The following PCDH9 variants were observed in gnomAD, a reference collection of about 807,000 sequenced individuals.
The protein encoded by PCDH9 is protocadherin 9.
PCDH9 carries 24 observed loss-of-function variants against 70.6 expected under a neutral mutation model. The ratio of observed to expected loss-of-function variants is 0.34; its 90% CI spans 0.25 to 0.48. The LOEUF is 0.48. Ranked by LOEUF, PCDH9 falls within the 20% of genes least tolerant of loss-of-function variation. The pLI is 0.99. For missense variants in PCDH9, 1,281 were observed against 1,503.6 expected (o/e 0.85, Z 2.45); for synonymous variants, 562 against 558.5 (o/e 1.01, Z -0.09).
chr13:66,887,077 A>ACC (rs1555281316), intron 3 of PCDH9, among the ~76,000 whole-genome samples: 300 of 124,402 alleles, frequency 2.4e-3, no homozygotes, highest in Middle Eastern at 0.012. Context: ...ACACACACAC[A>ACC]CCCTGTATTT....
chr13:66,586,104 C>A (rs1054273347), intron 4 of PCDH9, among the ~76,000 whole-genome samples: 2 of 151,990 alleles, frequency 1.3e-5, no homozygotes, highest in Admixed American at 1.3e-4. Flanking sequence ...GAGAGGATAC[C>A]CTTGTTAACT....
At chr13:67,055,796 C>A (rs539898949) in intron 2 of PCDH9, among the ~76,000 whole-genome samples, 4 of 151,934 alleles carry the variant, frequency 2.6e-5, no homozygotes, top group East Asian at 3.9e-4. Context: ...GACCTTGTAT[C>A]CAAAAAAAAC....
At chr13:67,132,695 C>A (rs547959049) in intron 2 of PCDH9, among the ~76,000 whole-genome samples, 59 of 135,496 alleles carry the variant, frequency 4.4e-4, no homozygotes, top group African/African-American at 1.5e-3. Context: ...CAGAACATAG[C>A]ATTAAAAAAA....
chr13:66,375,420 T>C (rs1296509421), intron 4 of PCDH9, among the ~76,000 whole-genome samples: 1 of 152,032 alleles, frequency 6.6e-6, no homozygotes, highest in African/African-American at 2.4e-5. Flanking sequence ...TTTTTGTTAA[T>C]GTAATAAGAA....
intron 2 of PCDH9, among the ~76,000 whole-genome samples, chr13:66,974,127 G>A (rs1253825843): frequency 6.6e-6 from 1 of 151,752 alleles, no homozygotes; most frequent in Non-Finnish European, 1.5e-5. Flanking sequence ...TCGTGATGGG[G>A]GTGAGTCTGT....
At chr13:66,891,373 A>G (rs1247167632) in intron 3 of PCDH9, among the ~76,000 whole-genome samples, 1 of 152,106 alleles carries the variant, frequency 6.6e-6, no homozygotes, top group African/African-American at 2.4e-5. Flanking sequence ...TGCTTCCTAT[A>G]TAACTAGGCG....
chr13:67,007,703 G>T (rs2084379419), intron 2 of PCDH9, among the ~76,000 whole-genome samples: 1 of 152,094 alleles, frequency 6.6e-6, no homozygotes, highest in African/African-American at 2.4e-5. Context: ...GTCCACTTTT[G>T]TTTCCGTGTT....
chr13:67,205,859 T>A (rs965496796), intron 2 of PCDH9: 2 of 152,250 alleles, frequency 1.3e-5, no homozygotes, highest in African/African-American at 4.8e-5. Flanking sequence ...TTTTACTATA[T>A]AACTGAAATG....
At chr13:66,792,319 C>A (rs1032447186) in intron 3 of PCDH9, among the ~76,000 whole-genome samples, 11 of 152,064 alleles carry the variant, frequency 7.2e-5, no homozygotes, top group Non-Finnish European at 1.2e-4. Flanking sequence ...CATATGTATA[C>A]ATTGTACTCC....
intron 4 of PCDH9, among the ~76,000 whole-genome samples, chr13:66,492,655 A>G (rs1056243560): frequency 1.3e-5 from 2 of 151,996 alleles, no homozygotes; most frequent in Non-Finnish European, 2.9e-5. Flanking sequence ...GTCATGCTAT[A>G]AATAACCACC....
At chr13:66,436,610 A>G (rs940932525) in intron 4 of PCDH9, among the ~76,000 whole-genome samples, 8 of 152,174 alleles carry the variant, frequency 5.3e-5, no homozygotes, top group Admixed American at 3.3e-4. Context: ...GAATGCAGTA[A>G]AGTAGTCTAA....
At chr13:67,088,822 T>C (rs1042939409) in intron 2 of PCDH9, among the ~76,000 whole-genome samples, 1 of 152,038 alleles carries the variant, frequency 6.6e-6, no homozygotes, top group Admixed American at 6.6e-5. Context: ...AATTCTACTT[T>C]TATTTCAAAG....
chr13:66,355,810 T>G (rs946240912), intron 4 of PCDH9, among the ~76,000 whole-genome samples: 6 of 152,242 alleles, frequency 3.9e-5, no homozygotes, highest in African/African-American at 1.4e-4. Flanking sequence ...GCTAATTCAG[T>G]GTTCATGGAG....
At chr13:67,070,965 A>C (rs2085750038) in intron 2 of PCDH9, among the ~76,000 whole-genome samples, 1 of 152,154 alleles carries the variant, frequency 6.6e-6, no homozygotes, top group East Asian at 1.9e-4. Context: ...GTAGTCTGGC[A>C]TATATTTTGA....
At chr13:66,427,985 A>G (rs1051169815) in intron 4 of PCDH9, among the ~76,000 whole-genome samples, 3 of 151,820 alleles carry the variant, frequency 2.0e-5, no homozygotes, top group Non-Finnish European at 4.4e-5. Flanking sequence ...GTAATCAAAT[A>G]TTATTAACTA....
chr13:67,134,824 T>C (rs1034081068), intron 2 of PCDH9, among the ~76,000 whole-genome samples: 1 of 152,054 alleles, frequency 6.6e-6, no homozygotes, highest in African/African-American at 2.4e-5. Context: ...CAGTTTAAAC[T>C]CCTTGACTCG....
rs561134107 is a variant in PCDH9, at chr13:66,507,282, A to G, written c.3340+123928T>C. Among the ~76,000 whole-genome samples, 11 of 152,342 alleles carry G rather than the reference A, an allele frequency of 7.2e-5. No individual in the cohort carries two copies. The South Asian group carries it at 1.7e-3, about 23-fold the overall frequency. On this transcript the variant is annotated intron_variant, in intron 4 of 4. Coordinates refer to ENST00000377865, the MANE Select transcript of PCDH9 (RefSeq NM_203487.3). ...TGCATTTCAAGTTCAAACTGTCTGA[A>G]GCTCCTTAAGGCAAAATGTATTTAA...
At chr13:67,030,275 A>G (rs2084877299) in intron 2 of PCDH9, among the ~76,000 whole-genome samples, 2 of 152,164 alleles carry the variant, frequency 1.3e-5, no homozygotes, top group African/African-American at 4.8e-5. Context: ...GCAATTCAGA[A>G]TTCTTAAAAG....
chr13:66,717,398 G>C (rs1048992494), intron 3 of PCDH9, among the ~76,000 whole-genome samples: 97 of 119,558 alleles, frequency 8.1e-4, no homozygotes, highest in Admixed American at 2.4e-3. Context: ...GTTCTAGTAA[G>C]CCAAGATCAC....
Sources: gnomAD v4.1 joint callset for allele counts (sites outside exome capture counted in the v4.1 genomes callset) on GRCh38, gnomAD v4.1.1 for gene constraint, MANE v1.5 for transcripts, NCBI Gene and HGNC (gene_info 2026-07-23, HGNC 2026-07-21) for gene names.